The following HS3ST2 variants were observed in gnomAD, a reference collection of about 807,000 sequenced individuals.
HS3ST2 encodes the protein heparan sulfate glucosamine 3-O-sulfotransferase 2.
Under a neutral mutation model 26.3 loss-of-function variants are expected in HS3ST2, and 17 were observed. That is an observed-to-expected ratio of 0.65 (90% CI 0.44 to 0.97). The LOEUF is 0.97. Ranked by LOEUF, HS3ST2 falls within the 50% of genes least tolerant of loss-of-function variation. The probability of loss-of-function intolerance (pLI) is 0.00; values close to 1 mark genes in which losing one functional copy is unlikely to be tolerated. For synonymous variants in HS3ST2, 237 were observed against 219.2 expected (o/e 1.08, Z -0.72); for missense variants, 402 against 501.2 (o/e 0.80, Z 1.89).
intron 1 of HS3ST2, among the ~76,000 whole-genome samples, chr16:22,913,165 AG>A (rs1291671940): frequency 4.7e-5 from 1 of 21,104 alleles, no homozygotes; most frequent in Non-Finnish European, 9.2e-5. Context: ...GGAGGGAGGG[AG>A]GGAGGGAGGG....
At chr16:22,815,118 C>A (rs781780285) in intron 1 of HS3ST2, 23 bp downstream of exon 1, 1 of 1,606,792 alleles carries the variant, frequency 6.2e-7, no homozygotes, top group Non-Finnish European at 8.5e-7. Context: ...AGCTCCGCTC[C>A]GTGCGCCGGG....
At chr16:22,881,624 C>T (rs1218321510) in intron 1 of HS3ST2, among the ~76,000 whole-genome samples, 2 of 152,186 alleles carry the variant, frequency 1.3e-5, no homozygotes, top group African/African-American at 2.4e-5. Context: ...AGATGACTCT[C>T]ACGACAGAAT....
chr16:22,832,149 A>ATATTTTTTTTTTTT (rs1596607195), intron 1 of HS3ST2, among the ~76,000 whole-genome samples: 1 of 108,490 alleles, frequency 9.2e-6, no homozygotes, highest in African/African-American at 3.4e-5. Context: ...TCCCCAGCTG[A>ATATTTTTTTTTTTT]TCTTTTTTTT....
At chr16:22,887,786 G>GAA (rs10622829) in intron 1 of HS3ST2, among the ~76,000 whole-genome samples, 48,319 of 145,932 alleles carry the variant, frequency 0.33, 9,496 homozygotes, top group East Asian at 0.52. Flanking sequence ...ATCTCTACGG[G>GAA]AAAAAAAAAA....
intron 1 of HS3ST2, among the ~76,000 whole-genome samples, chr16:22,864,436 T>C (rs1901720097): frequency 6.6e-6 from 1 of 152,180 alleles, no homozygotes; most frequent in African/African-American, 2.4e-5. Context: ...TGGAAGACAT[T>C]AACTAGCATC....
chr16:22,907,821 T>A (rs1421687542), intron 1 of HS3ST2, among the ~76,000 whole-genome samples: 2 of 152,018 alleles, frequency 1.3e-5, no homozygotes, highest in Non-Finnish European at 1.5e-5. Flanking sequence ...AGGAATGAGG[T>A]CATCCAGGAG....
chr16:22,884,590 A>G (rs950189800), intron 1 of HS3ST2, among the ~76,000 whole-genome samples: 2 of 151,266 alleles, frequency 1.3e-5, no homozygotes, highest in African/African-American at 4.9e-5. Flanking sequence ...TTGCTTTGCC[A>G]CCTTTGAACT....
intron 1 of HS3ST2, among the ~76,000 whole-genome samples, chr16:22,910,477 T>C (rs574090857): frequency 5.9e-5 from 9 of 152,348 alleles, no homozygotes; most frequent in African/African-American, 2.2e-4. Flanking sequence ...CGATCTAATA[T>C]ATCCAGATTT....
chr16:22,864,882 C>CAAAAAAAAAAAAAAA (rs34942780), intron 1 of HS3ST2, among the ~76,000 whole-genome samples: 4 of 57,154 alleles, frequency 7.0e-5, no homozygotes, highest in East Asian at 9.0e-4. Context: ...CCTGTCTCCA[C>CAAAAAAAAAAAAAAA]AAAAAAAAAA....
intron 1 of HS3ST2, among the ~76,000 whole-genome samples, chr16:22,839,676 G>C (rs1901324674): frequency 6.6e-6 from 1 of 151,358 alleles, no homozygotes. Flanking sequence ...TAAAGATTCT[G>C]ATATCAGCCA....
chr16:22,895,722 C>T (rs1195641535), intron 1 of HS3ST2, among the ~76,000 whole-genome samples: 1 of 151,902 alleles, frequency 6.6e-6, no homozygotes, highest in Non-Finnish European at 1.5e-5. Flanking sequence ...TTTTTTTCTG[C>T]TTTCTTATCC....
At chr16:22,876,512 T>C (rs1185390688) in intron 1 of HS3ST2, among the ~76,000 whole-genome samples, 2 of 152,270 alleles carry the variant, frequency 1.3e-5, no homozygotes, top group East Asian at 1.9e-4. Context: ...TTGGCATGGA[T>C]ATGGTGAAAA....
At chr16:22,844,453 G>A (rs1901402740) in intron 1 of HS3ST2, among the ~76,000 whole-genome samples, 1 of 152,130 alleles carries the variant, frequency 6.6e-6, no homozygotes, top group African/African-American at 2.4e-5. Context: ...CAGAGTCACA[G>A]TTCCAGGTAA....
At chr16:22,856,755 G>A (rs1901601413) in intron 1 of HS3ST2, among the ~76,000 whole-genome samples, 1 of 152,240 alleles carries the variant, frequency 6.6e-6, no homozygotes, top group Non-Finnish European at 1.5e-5. Flanking sequence ...CTGAGGAGCT[G>A]TACTTTGCAA....
chr16:22,881,493 A>T (rs969422134), intron 1 of HS3ST2, among the ~76,000 whole-genome samples: 1 of 152,130 alleles, frequency 6.6e-6, no homozygotes, highest in Non-Finnish European at 1.5e-5. Context: ...TGCTCTAAAG[A>T]GGGTCCCAAA....
intron 1 of HS3ST2, among the ~76,000 whole-genome samples, chr16:22,884,210 G>C (rs1330672806): frequency 6.6e-6 from 1 of 152,150 alleles, no homozygotes; most frequent in Non-Finnish European, 1.5e-5. Context: ...GGCTTCACAT[G>C]ATATCATGCA....
intron 1 of HS3ST2, among the ~76,000 whole-genome samples, chr16:22,849,432 G>A (rs1901489601): frequency 6.6e-6 from 1 of 152,060 alleles, no homozygotes; most frequent in African/African-American, 2.4e-5. Context: ...TTTTTGCGGG[G>A]GGGTATGTCT....
Position 22,842,343 on chromosome 16 carries a change from G to A in HS3ST2, c.485+27248G>A, listed in dbSNP as rs1901371338. On this transcript the variant is annotated intron_variant, in intron 1 of 1. Transcript: ENST00000261374. Reference sequence around the variant, plus strand: ...CTCCCAAAGTGCTGGGATTGCAGGTGTGGGCCACTGTGTCCAGCTGGAGTA... The same window carrying A: ...CTCCCAAAGTGCTGGGATTGCAGGTATGGGCCACTGTGTCCAGCTGGAGTA... Among the ~76,000 whole-genome samples, 3 of 152,066 alleles carry A rather than the reference G, an allele frequency of 2.0e-5. 1 individual carries two copies. In the South Asian group the frequency reaches 6.2e-4, roughly 32 times the overall value.
At position 22,863,292 on chromosome 16, in the gene HS3ST2, G is replaced by A. The variant is rs16973853; in HGVS notation, c.485+48197G>A. Among the ~76,000 whole-genome samples, 1,073 of 152,270 alleles carry A rather than the reference G, an allele frequency of 7.0e-3. 9 individuals carry two copies. The highest frequency in any genetic ancestry group is 0.024 in the African/African-American group (993 of 41,548). ...TCTCATGACTGTGCTCATAAAAATG[G>A]TCCCCCAGTCACTGCTGTTATTCCA... On this transcript the variant is annotated intron_variant, in intron 1 of 1. Coordinates refer to ENST00000261374, the MANE Select transcript of HS3ST2 (RefSeq NM_006043.2).
Sources: gnomAD v4.1 joint callset for allele counts (sites outside exome capture counted in the v4.1 genomes callset) on GRCh38, gnomAD v4.1.1 for gene constraint, MANE v1.5 for transcripts, NCBI Gene and HGNC (gene_info 2026-07-23, HGNC 2026-07-21) for gene names.